The following MAPK6 variants were observed in gnomAD, a reference collection of about 807,000 sequenced individuals.
MAPK6 encodes the protein ERK-3.
Under a neutral mutation model 59.3 loss-of-function variants are expected in MAPK6, and 19 were observed. The observed-to-expected ratio is 0.32, with a 90% CI of 0.22 to 0.47. The LOEUF (loss-of-function observed/expected upper bound fraction) is 0.47. Among genes scored for constraint, MAPK6 ranks in the 20% least tolerant of loss-of-function variants. The pLI is 1.00. For missense variants in MAPK6, 724 were observed against 847.9 expected, an observed-to-expected ratio of 0.85 and a Z score of 1.81; for synonymous variants, 316 against 290.3, an observed-to-expected ratio of 1.09 and a Z score of -0.90.
intron 1 of MAPK6, among the ~76,000 whole-genome samples, chr15:51,981,191 C>T (rs1055402030): frequency 4.6e-5 from 7 of 151,432 alleles, no homozygotes; most frequent in East Asian, 1.9e-4. Flanking sequence ...TCAGACTTAT[C>T]GGCCGGGTGC....
chr15:52,002,770 C>T (rs1595963615), intron 2 of MAPK6, among the ~76,000 whole-genome samples: 1 of 152,280 alleles, frequency 6.6e-6, no homozygotes, highest in African/African-American at 2.4e-5. Flanking sequence ...AACAGTTCCG[C>T]ATGGCTGGGG....
At chr15:52,023,891 C>A (rs1382113518) in intron 1 of MAPK6, among the ~76,000 whole-genome samples, 1 of 152,194 alleles carries the variant, frequency 6.6e-6, no homozygotes, top group Non-Finnish European at 1.5e-5. Context: ...GGATTACGGG[C>A]ATGAGCCACC....
At chr15:52,022,548 C>T (rs1595977125) in intron 1 of MAPK6, among the ~76,000 whole-genome samples, 1 of 152,180 alleles carries the variant, frequency 6.6e-6, no homozygotes, top group East Asian at 1.9e-4. Context: ...AGGTGTGAGC[C>T]CCTGCTCCCA....
chr15:52,001,508 T>TC (rs1371583112), intron 2 of MAPK6, among the ~76,000 whole-genome samples: 2 of 81,690 alleles, frequency 2.4e-5, no homozygotes, highest in Non-Finnish European at 5.6e-5. Flanking sequence ...CCTTTTCCTT[T>TC]CTTTTTTTTT....
Position 52,064,621 on chromosome 15 carries a change from A to AGTTTGTGAGTG in MAPK6, c.1790_1800dup (p.Gly601LeufsTer2). 1 of 1,611,796 alleles carries AGTTTGTGAGTG rather than the reference A, an allele frequency of 6.2e-7. No individual in the cohort carries two copies. Among genetic ancestry groups the AGTTTGTGAGTG allele is most frequent in the Non-Finnish European group, 8.5e-7 (1 of 1,179,708 alleles). ...TTGTACCAGTCTTCTTGGGACAGCC[A>AGTTTGTGAGTG]GTTTGTGAGTGGTGGGGAGGACTGT... On this transcript the variant is annotated frameshift_variant, in exon 6 of 6. Transcript: ENST00000261845. LOFTEE classifies it high-confidence loss of function.
intron 5 of MAPK6, among the ~76,000 whole-genome samples, chr15:52,062,989 T>C (rs1289939401): frequency 6.6e-6 from 1 of 152,174 alleles, no homozygotes; most frequent in South Asian, 2.1e-4. Context: ...TCCTCAAATG[T>C]TGATGTATTG....
intron 1 of MAPK6, among the ~76,000 whole-genome samples, chr15:52,032,404 G>T (rs1235598639): frequency 6.7e-6 from 1 of 148,494 alleles, no homozygotes; most frequent in African/African-American, 2.5e-5. Context: ...TGGCCAGGCT[G>T]GTCTTGAACT....
intron 3 of MAPK6, among the ~76,000 whole-genome samples, chr15:52,055,515 T>TTTTGTTTG (rs199944122): frequency 6.6e-6 from 1 of 152,154 alleles, no homozygotes; most frequent in Non-Finnish European, 1.5e-5. Flanking sequence ...CAAAGGGTTT[T>TTTTGTTTG]TTTGTTTGTT....
At chr15:52,035,632 A>G (rs923104270) in intron 1 of MAPK6, 5 of 151,962 alleles carry the variant, frequency 3.3e-5, no homozygotes, top group Admixed American at 3.3e-4. Context: ...TTAAAAAAAA[A>G]AAAAAAAGAA....
intron 2 of MAPK6, among the ~76,000 whole-genome samples, chr15:51,991,413 C>T (rs2057208461): frequency 6.6e-6 from 1 of 152,106 alleles, no homozygotes; most frequent in Admixed American, 6.6e-5. Flanking sequence ...ATTTAGGTCT[C>T]ATGCCAGAAA....
chr15:51,973,023 G>A (rs1303425580), intron 1 of MAPK6, among the ~76,000 whole-genome samples: 1 of 151,598 alleles, frequency 6.6e-6, no homozygotes, highest in Non-Finnish European at 1.5e-5. Flanking sequence ...AAGAAAAAGT[G>A]AGAAAAGAGT....
chr15:52,053,962 C>A (rs1019445264), intron 3 of MAPK6, among the ~76,000 whole-genome samples: 1 of 151,888 alleles, frequency 6.6e-6, no homozygotes, highest in Admixed American at 6.6e-5. Flanking sequence ...ATTCTGAAGT[C>A]CAGTTACCTT....
chr15:52,044,926 C>CTTTT (rs80337297), intron 1 of MAPK6, among the ~76,000 whole-genome samples: 42 of 130,774 alleles, frequency 3.2e-4, no homozygotes, highest in African/African-American at 1.2e-3. Context: ...TTTTTTTTTC[C>CTTTT]TTTTTTTTTT....
intron 2 of MAPK6, among the ~76,000 whole-genome samples, chr15:52,000,062 C>G (rs1256132406): frequency 6.6e-6 from 1 of 151,890 alleles, no homozygotes; most frequent in African/African-American, 2.4e-5. Flanking sequence ...TTTCACCTCC[C>G]CTGTAGCTGA....
At chr15:52,015,252 C>T (rs1227768884), upstream of MAPK6, among the ~76,000 whole-genome samples, 2 of 152,016 alleles carry the variant, frequency 1.3e-5, no homozygotes, top group African/African-American at 4.8e-5. Flanking sequence ...CTACCCGCCT[C>T]AGCTTCCCAA....
chr15:52,030,035 T>G (rs1158943661), intron 1 of MAPK6, among the ~76,000 whole-genome samples: 1 of 152,244 alleles, frequency 6.6e-6, no homozygotes, highest in Admixed American at 6.5e-5. Flanking sequence ...TGCTACCTCC[T>G]TTCCTTTGCC....
At chr15:52,013,000 AAAAAAAAAAAAAAAAAAAAAAT>A (rs1429872153) in intron 3 of MAPK6, among the ~76,000 whole-genome samples, 82 of 18,618 alleles carry the variant, frequency 4.4e-3, no homozygotes, top group South Asian at 0.013. Context: ...AAAAAAAAAA[AAAAAAAAAAAAAAAAAAAAAAT>A]ATATATATAT....
intron 3 of MAPK6, among the ~76,000 whole-genome samples, chr15:52,007,186 C>T (rs528143224): frequency 1.3e-5 from 2 of 152,202 alleles, no homozygotes; most frequent in African/African-American, 2.4e-5. Flanking sequence ...CAAGTGTGGG[C>T]GGCTGGGCTT....
Position 52,058,783 on chromosome 15 carries a change from G to T in MAPK6, c.851G>T (p.Gly284Val). The change falls in exon 4 of 6, where the codon GGA becomes GTA. Residue 284 changes from glycine (G) to valine (V), a missense_variant. Coordinates refer to ENST00000261845, the MANE Select transcript of MAPK6 (RefSeq NM_002748.4). Reference protein sequence around the residue: ...PHKPLTQLLPGISREALDFLE... With the variant: ...PHKPLTQLLPVISREALDFLE... ...AAACCTTTAACTCAGCTGCTTCCAG[G>T]AATTAGTCGAGAAGGTATTGTGACT... is the stretch of plus-strand genomic sequence containing the variant. The T allele has an allele frequency of 8.1e-6, 13 of 1,611,384 alleles. No individual in the cohort carries two copies. The highest frequency in any genetic ancestry group is 1.1e-5 in the Non-Finnish European group (13 of 1,178,552).
Sources: gnomAD v4.1 joint callset for allele counts (sites outside exome capture counted in the v4.1 genomes callset) on GRCh38, gnomAD v4.1.1 for gene constraint, MANE v1.5 for transcripts, NCBI Gene and HGNC (gene_info 2026-07-23, HGNC 2026-07-21) for gene names.